The following RASAL2 variants were observed in gnomAD, a reference collection of about 807,000 sequenced individuals.
RASAL2 encodes the protein ras GTPase-activating protein nGAP.
RASAL2 carries 58 observed loss-of-function variants against 128.9 expected under a neutral mutation model. The ratio of observed to expected loss-of-function variants is 0.45; its 90% confidence interval spans 0.36 to 0.56. RASAL2 has a LOEUF of 0.56. RASAL2 is among the 20% of genes least tolerant of loss of function. The pLI, the probability that RASAL2 is intolerant of heterozygous loss-of-function variation, is 0.00. For synonymous variants in RASAL2, 561 were observed against 580.8 expected, an observed-to-expected ratio of 0.97 and a Z score of 0.49; for missense variants, 1,360 against 1,601.6, an observed-to-expected ratio of 0.85 and a Z score of 2.57.
At chr1:178,143,852 C>T (rs1043659539) in intron 1 of RASAL2, among the ~76,000 whole-genome samples, 4 of 150,958 alleles carry the variant, frequency 2.6e-5, no homozygotes, top group Admixed American at 2.6e-4. Context: ...TGGAGGCAGT[C>T]AAGTATCTAA....
chr1:178,300,408 T>C (rs988428504), intron 3 of RASAL2, among the ~76,000 whole-genome samples: 3 of 152,190 alleles, frequency 2.0e-5, no homozygotes, highest in Non-Finnish European at 2.9e-5. Flanking sequence ...GCTGTAGATT[T>C]TGAGAGAGTA....
At chr1:178,390,372 T>A (rs1672828430) in intron 4 of RASAL2, among the ~76,000 whole-genome samples, 166 bp downstream of exon 4, 1 of 152,174 alleles carries the variant, frequency 6.6e-6, no homozygotes, top group Non-Finnish European at 1.5e-5. Context: ...TTAACTGTGG[T>A]TAATTGTCAA....
chr1:178,294,052 A>C (rs1667390323), intron 2 of RASAL2, among the ~76,000 whole-genome samples: 1 of 152,246 alleles, frequency 6.6e-6, no homozygotes, highest in Non-Finnish European at 1.5e-5. Context: ...AAAGAATTGC[A>C]AGCAATTTGG....
intron 1 of RASAL2, among the ~76,000 whole-genome samples, chr1:178,218,788 A>T (rs1266523514): frequency 1.3e-5 from 2 of 152,252 alleles, no homozygotes; most frequent in African/African-American, 2.4e-5. Context: ...AGCATAATTC[A>T]TACGGGCCCT....
rs1173949529 is a variant in RASAL2 at position 178,094,215 on chromosome 1, A to G, written c.-278A>G. 2.1e-6 allele frequency: 1 copy of G among 473,138 alleles called. No homozygotes were observed. The highest frequency in any genetic ancestry group is 3.7e-6 in the Non-Finnish European group (1 of 269,824). The allele number at this position is 473,138 out of a possible 1,614,324, so 29.3% of individuals were successfully genotyped here. A position where few individuals can be genotyped will look rare whatever the true frequency, so the allele number is the denominator to read the frequency against. On this transcript the variant is annotated 5_prime_UTR_variant, in exon 1 of 18. Transcript: ENST00000367649. ...TCTTCTGCGTCCTCTCCCGGGAGGG[A>G]CCCACACACACCTGAGCCCGGACCC...
intron 4 of RASAL2, among the ~76,000 whole-genome samples, chr1:178,404,357 T>A (rs751890546): frequency 1.3e-5 from 2 of 148,372 alleles, no homozygotes; most frequent in African/African-American, 5.3e-5. Flanking sequence ...AATTCACTTA[T>A]AATCAGACAA....
intron 3 of RASAL2, among the ~76,000 whole-genome samples, chr1:178,313,542 G>T (rs968027070): frequency 6.6e-6 from 1 of 151,640 alleles, no homozygotes; most frequent in Non-Finnish European, 1.5e-5. Context: ...CCGGGCTGGA[G>T]TGCAGTGGCA....
At chr1:178,202,643 T>C (rs1017230950) in intron 1 of RASAL2, among the ~76,000 whole-genome samples, 2 of 152,096 alleles carry the variant, frequency 1.3e-5, no homozygotes, top group Non-Finnish European at 2.9e-5. Context: ...AGAAGCATGA[T>C]TGGAAAACTG....
intron 15 of RASAL2, among the ~76,000 whole-genome samples, chr1:178,464,830 T>TG (rs1439795981): frequency 7.6e-6 from 1 of 131,274 alleles, no homozygotes; most frequent in Admixed American, 7.7e-5. Flanking sequence ...TGGTTTTAGT[T>TG]GTTTTTTTTT....
At chr1:178,276,560 A>G (rs1332481090) in intron 1 of RASAL2, among the ~76,000 whole-genome samples, 1 of 151,542 alleles carries the variant, frequency 6.6e-6, no homozygotes, top group African/African-American at 2.4e-5. Flanking sequence ...TTGCCCAGGC[A>G]GAGTACAGTG....
rs148559167 is a variant in RASAL2, at chr1:178,329,176, G to A, written c.457+29058G>A. On this transcript the variant is annotated intron_variant, in intron 3 of 17. Transcript: ENST00000367649. ...AAAGCAAACACCTTTACAATATACCGCATGGTGATAAATGCAATGGAGAAA... is the reference window on the plus strand; with the variant it reads ...AAAGCAAACACCTTTACAATATACCACATGGTGATAAATGCAATGGAGAAA... Among the ~76,000 whole-genome samples, 84 of 152,228 alleles carry A rather than the reference G, an allele frequency of 5.5e-4. No homozygotes were observed. In the East Asian group the frequency reaches 0.015, roughly 27 times the overall value.
intron 3 of RASAL2, among the ~76,000 whole-genome samples, chr1:178,350,573 A>C (rs936367855): frequency 2.2e-4 from 33 of 152,112 alleles, no homozygotes; most frequent in African/African-American, 7.7e-4. Flanking sequence ...GGGAGAGTGC[A>C]GCTGGTTCTC....
intron 5 of RASAL2, among the ~76,000 whole-genome samples, chr1:178,433,485 T>A (rs1156899776): frequency 2.6e-5 from 4 of 152,118 alleles, no homozygotes; most frequent in African/African-American, 7.2e-5. Context: ...CATCTACCTC[T>A]AGTATAGTGC....
chr1:178,309,886 C>T (rs1470453831), intron 3 of RASAL2, among the ~76,000 whole-genome samples: 2 of 149,992 alleles, frequency 1.3e-5, no homozygotes, highest in South Asian at 2.1e-4. Flanking sequence ...TATTTAAAAG[C>T]GGATAGAATG....
At chr1:178,306,988 C>T (rs1571825646) in intron 3 of RASAL2, among the ~76,000 whole-genome samples, 1 of 147,586 alleles carries the variant, frequency 6.8e-6, no homozygotes, top group South Asian at 2.1e-4. Context: ...ACAATGTGCA[C>T]ATGTACCCTA....
At chr1:178,154,247 AGCAATCC>A (rs1280322271) in intron 1 of RASAL2, among the ~76,000 whole-genome samples, 2 of 151,836 alleles carry the variant, frequency 1.3e-5, no homozygotes. Flanking sequence ...CCTGGGCTCC[AGCAATCC>A]TCCCATCTCA....
chr1:178,147,280 G>A (rs1444651798), intron 1 of RASAL2, among the ~76,000 whole-genome samples: 1 of 151,956 alleles, frequency 6.6e-6, no homozygotes, highest in Non-Finnish European at 1.5e-5. Context: ...CCTGAGCTCA[G>A]GAGTTAGAGA....
intron 1 of RASAL2, among the ~76,000 whole-genome samples, chr1:178,211,891 T>C (rs562261439): frequency 2.2e-4 from 33 of 152,332 alleles, no homozygotes; most frequent in Non-Finnish European, 4.0e-4. Flanking sequence ...TGGAGGCCAT[T>C]GAGGGAATAT....
intron 1 of RASAL2, among the ~76,000 whole-genome samples, chr1:178,225,283 C>T (rs1016994226): frequency 6.6e-6 from 1 of 151,706 alleles, no homozygotes; most frequent in Non-Finnish European, 1.5e-5. Context: ...AATGAAAACA[C>T]ATACTTATAA....
Sources: gnomAD v4.1 joint callset for allele counts (sites outside exome capture counted in the v4.1 genomes callset) on GRCh38, gnomAD v4.1.1 for gene constraint, MANE v1.5 for transcripts, NCBI Gene and HGNC (gene_info 2026-07-23, HGNC 2026-07-21) for gene names.